Variants in ZNF846 observed in about 807,000 individuals in gnomAD.
ZNF846 encodes zinc finger protein 846.
In ZNF846, 15 loss-of-function variants were observed where a neutral mutation model predicts 16.0. The observed-to-expected ratio is 0.94, with a 90% CI of 0.63 to 1.45. The LOEUF (loss-of-function observed/expected upper bound fraction) is 1.45. Ranked by LOEUF, ZNF846 falls within the 40% of genes most tolerant of loss-of-function variation. ZNF846 has a pLI of 0.00. For synonymous variants in ZNF846, 229 were observed against 212.0 expected, an observed-to-expected ratio of 1.08 and a Z score of -0.70; for missense variants, 714 against 622.3, an observed-to-expected ratio of 1.15 and a Z score of -1.57.
downstream of ZNF846, among the ~76,000 whole-genome samples, chr19:9,757,088 G>A (rs751760665): frequency 6.6e-5 from 10 of 151,360 alleles, no homozygotes; most frequent in South Asian, 6.2e-4. Context: ...CCAGCTACTC[G>A]GGAGGCTGAG....
At chr19:9,749,697 T>C (rs143452701), downstream of ZNF846, among the ~76,000 whole-genome samples, 473 of 152,116 alleles carry the variant, frequency 3.1e-3, 4 homozygotes, top group African/African-American at 0.011. Context: ...TAGTAAAAAA[T>C]TGTTGGCTAT....
chr19:9,757,645 A>T, exon 6 of ZNF846: 1 of 1,613,570 alleles, frequency 6.2e-7, no homozygotes, highest in Non-Finnish European at 8.5e-7. Context: ...TTACATGCAT[A>T]AGGCTTTTCT....
chr19:9,779,334 T>C (rs1316017197), intron 1 of ZNF846, among the ~76,000 whole-genome samples: 2 of 152,240 alleles, frequency 1.3e-5, no homozygotes, highest in East Asian at 3.9e-4. Context: ...AATAACACGA[T>C]CATGGCTTAC....
At chr19:9,774,787 A>G (rs532434249) in intron 1 of ZNF846, 823 of 1,592,870 alleles carry the variant, frequency 5.2e-4, no homozygotes, top group Non-Finnish European at 6.8e-4. Context: ...ACTGGAAGCC[A>G]GCAACCAAAA....
chr19:9,775,236 TA>T (rs1599400397), intron 1 of ZNF846, among the ~76,000 whole-genome samples: 1 of 150,602 alleles, frequency 6.6e-6, no homozygotes, highest in African/African-American at 2.5e-5. Flanking sequence ...ACAATCCCAA[TA>T]AAAAACCAAA....
downstream of ZNF846, chr19:9,752,506 T>C (rs1057421799): frequency 3.3e-6 from 1 of 307,642 alleles, no homozygotes; most frequent in Admixed American, 3.4e-5. Flanking sequence ...TCCCAGCTAC[T>C]CGGGAGGCTG....
chr19:9,757,835 C>G (rs572840234), exon 6 of ZNF846: 57 of 1,612,318 alleles, frequency 3.5e-5, no homozygotes, highest in Non-Finnish European at 4.6e-5. Flanking sequence ...CAGTGTGAAT[C>G]CTTACATGTT....
At chr19:9,784,209 G>T (rs1008691679) in intron 1 of ZNF846, among the ~76,000 whole-genome samples, 2 of 152,176 alleles carry the variant, frequency 1.3e-5, no homozygotes, top group African/African-American at 4.8e-5. Context: ...ATCTGCACCG[G>T]CACTGGTCTC....
chr19:9,764,192 C>T (rs910745618), intron 2 of ZNF846, among the ~76,000 whole-genome samples: 7 of 152,216 alleles, frequency 4.6e-5, no homozygotes, highest in East Asian at 1.9e-4. Context: ...CATCTTGTCA[C>T]GGCTCTTGTA....
chr19:9,754,998 T>G (rs570818269), downstream of ZNF846, among the ~76,000 whole-genome samples: 2 of 151,364 alleles, frequency 1.3e-5, no homozygotes, highest in Non-Finnish European at 2.9e-5. Context: ...CTCAAGTAGC[T>G]GGGACTACAG....
At position 9,757,695 on chromosome 19, in the gene ZNF846, C is replaced by G. The variant is rs56872664; in HGVS notation, c.1382G>C (p.Arg461Pro). The change falls in exon 6 of 6, where the codon CGT becomes CCT. Residue 461 changes from arginine to proline, a missense_variant. Coordinates refer to ENST00000397902, the Ensembl canonical transcript of ZNF846. ...CATGTGCATATTAAGATTTGTGGAA[C>G]GAGCAAATGCTTTACCGCATTCCTT... The G allele has an allele frequency of 4.5e-3, 7,243 of 1,612,970 alleles. 498 individuals carry two copies. In the African/African-American group the frequency reaches 0.082, roughly 18 times the overall value.
chr19:9,771,693 T>G (rs988296995), upstream of ZNF846, among the ~76,000 whole-genome samples: 2 of 152,210 alleles, frequency 1.3e-5, no homozygotes, highest in East Asian at 1.9e-4. Context: ...CCCTTATTAG[T>G]TGATGGGCAT....
At chr19:9,757,809 T>A (rs1169713453) in exon 6 of ZNF846, 2 of 1,613,360 alleles carry the variant, frequency 1.2e-6, no homozygotes, top group East Asian at 4.5e-5. Flanking sequence ...TTCTTTGCAT[T>A]CATATGGCTT....
At chr19:9,770,232 C>T (rs1383974303), upstream of ZNF846, among the ~76,000 whole-genome samples, 1 of 151,988 alleles carries the variant, frequency 6.6e-6, no homozygotes, top group Non-Finnish European at 1.5e-5. Flanking sequence ...ATCACCCAAT[C>T]TGCTCATCCA....
At chr19:9,779,224 G>A (rs1000896101) in intron 1 of ZNF846, among the ~76,000 whole-genome samples, 1 of 152,076 alleles carries the variant, frequency 6.6e-6, no homozygotes, top group Non-Finnish European at 1.5e-5. Flanking sequence ...GGTTCCTTTG[G>A]AAGAAATGTT....
exon 6 of ZNF846, chr19:9,758,194 A>T: frequency 6.2e-7 from 1 of 1,613,152 alleles, no homozygotes; most frequent in Non-Finnish European, 8.5e-7. Context: ...GTAAGGTATG[A>T]AGAATGGGTG....
At chr19:9,785,638 G>A (rs911739403) in intron 1 of ZNF846, among the ~76,000 whole-genome samples, 5 of 35,150 alleles carry the variant, frequency 1.4e-4, no homozygotes, top group Non-Finnish European at 2.5e-4. Flanking sequence ...CCCAGACCCC[G>A]CCCCATCTCT....
chr19:9,774,708 A>C, intron 1 of ZNF846: 1 of 1,524,156 alleles, frequency 6.6e-7, no homozygotes, highest in Non-Finnish European at 9.1e-7. Context: ...ATCACATTTA[A>C]AACAAAGATC....
At chr19:9,778,629 A>T (rs751278600) in intron 1 of ZNF846, among the ~76,000 whole-genome samples, 23 of 152,146 alleles carry the variant, frequency 1.5e-4, no homozygotes, top group Non-Finnish European at 2.9e-4. Flanking sequence ...ACATGGTGAA[A>T]CCCTGTTTCT....
Sources: gnomAD v4.1 joint callset for allele counts (sites outside exome capture counted in the v4.1 genomes callset) on GRCh38, gnomAD v4.1.1 for gene constraint, MANE v1.5 for transcripts, NCBI Gene and HGNC (gene_info 2026-07-23, HGNC 2026-07-21) for gene names.